Variants in CCDC92 observed in about 807,000 individuals in gnomAD.
The protein encoded by CCDC92 is coiled-coil domain-containing protein 92.
CCDC92 carries 12 observed loss-of-function variants against 24.9 expected under a neutral mutation model. The observed-to-expected ratio is 0.48, with a 90% confidence interval of 0.31 to 0.78. The LOEUF is 0.78. Among genes scored for constraint, CCDC92 ranks in the 30% least tolerant of loss-of-function variants. The pLI is 0.05. For missense variants in CCDC92, 399 were observed against 439.4 expected, an observed-to-expected ratio of 0.91 and a Z score of 0.82; for synonymous variants, 193 against 196.3, an observed-to-expected ratio of 0.98 and a Z score of 0.14.
chr12:123,966,919 A>T (rs1956405555), intron 1 of CCDC92, among the ~76,000 whole-genome samples: 1 of 152,170 alleles, frequency 6.6e-6, no homozygotes, highest in South Asian at 2.1e-4. Flanking sequence ...CTGTCAACCT[A>T]TCTCCAAGGT....
At position 123,940,728 on chromosome 12, in the gene CCDC92, G is replaced by A. The variant is rs372630319; in HGVS notation, c.223+2016C>T. The stretch of plus-strand genomic sequence containing the variant: ...AAACGCTGCACTGCTGAGCCTGCCC[G>A]AGCGTCAGGGCACTGCAACGCTTCT... On this transcript the variant is annotated intron_variant, in intron 4 of 4. Coordinates refer to ENST00000238156, the MANE Select transcript of CCDC92 (RefSeq NM_025140.3). Among the ~76,000 whole-genome samples the A allele has an allele frequency of 2.1e-4, 32 of 152,306 alleles. 1 individual carries two copies. The South Asian group carries it at 4.8e-3, about 23-fold the overall frequency.
intron 4 of CCDC92, among the ~76,000 whole-genome samples, chr12:123,941,952 TG>T (rs1472240207): frequency 6.6e-6 from 1 of 152,238 alleles, no homozygotes; most frequent in Non-Finnish European, 1.5e-5. Context: ...TGTGCTCTCG[TG>T]GTAAGACTGC....
At chr12:123,950,425 C>T (rs573752606) in intron 1 of CCDC92, among the ~76,000 whole-genome samples, 1 of 152,210 alleles carries the variant, frequency 6.6e-6, no homozygotes, top group Admixed American at 6.5e-5. Flanking sequence ...GCACTGCCGA[C>T]CACCCAATAC....
intron 1 of CCDC92, chr12:123,970,421 A>G (rs1278927383): frequency 6.6e-6 from 1 of 152,256 alleles, no homozygotes; most frequent in Non-Finnish European, 1.5e-5. Context: ...TCTGTACTCA[A>G]TAATTACTCA....
intron 4 of CCDC92, among the ~76,000 whole-genome samples, chr12:123,941,513 A>G (rs1029437696): frequency 6.6e-6 from 1 of 152,204 alleles, no homozygotes; most frequent in Non-Finnish European, 1.5e-5. Context: ...GGAACTGGAC[A>G]CTCTCATGAA....
In CCDC92 at chr12:123,937,115, G is replaced by A; in HGVS notation, c.939C>T (p.Asp313=). ...AQPEVKTLAV[D]QVNGGKVVRK... is the part of the protein sequence containing the mutation. The stretch of plus-strand genomic sequence containing the variant: ...TCACCACCTTGCCTCCGTTCACCTG[G>A]TCGACCGCCAGGGTCTTCACCTCGG... The change falls in exon 5 of 5, where the codon GAC becomes GAT. Residue 313 remains aspartate, a synonymous_variant. Transcript: ENST00000238156. The surrounding 1 kb of genome is among the most constrained non-coding windows in gnomAD (Gnocchi z 8.4). The A allele has an allele frequency of 1.9e-6, 3 of 1,613,690 alleles. No homozygotes were observed. Among genetic ancestry groups the A allele is most frequent in the Non-Finnish European group, 1.7e-6 (2 of 1,180,024 alleles).
At chr12:123,961,718 A>C (rs998688430) in intron 1 of CCDC92, among the ~76,000 whole-genome samples, 2 of 152,240 alleles carry the variant, frequency 1.3e-5, no homozygotes, top group Non-Finnish European at 2.9e-5. Context: ...AGAGGAGAAG[A>C]ATCAACATGG....
intron 1 of CCDC92, among the ~76,000 whole-genome samples, chr12:123,958,219 A>C (rs1362005119): frequency 2.0e-5 from 3 of 151,736 alleles, no homozygotes; most frequent in Non-Finnish European, 2.9e-5. Flanking sequence ...ATGCCCGGCT[A>C]ATTTTGTATT....
At chr12:123,938,172 G>C (rs1334374938) in intron 4 of CCDC92, among the ~76,000 whole-genome samples, 1 of 152,238 alleles carries the variant, frequency 6.6e-6, no homozygotes, top group African/African-American at 2.4e-5. Context: ...TGTCTGCTCA[G>C]ATGGCATTTA....
chr12:123,972,399 G>A (rs928345430), intron 1 of CCDC92, 130 bp downstream of exon 1: 1 of 152,132 alleles, frequency 6.6e-6, no homozygotes, highest in Non-Finnish European at 1.5e-5. Context: ...CCGGCGGGGA[G>A]GGTTTTTAAA....
intron 1 of CCDC92, among the ~76,000 whole-genome samples, chr12:123,955,743 T>TG (rs1956135352): frequency 6.6e-6 from 1 of 152,220 alleles, no homozygotes; most frequent in Non-Finnish European, 1.5e-5. Flanking sequence ...TTCAGCCTCC[T>TG]ATGTAGCTGG....
At position 123,936,734 on chromosome 12, in the gene CCDC92, G is replaced by T. The variant is rs1308726211; in HGVS notation, c.*324C>A. On this transcript the variant is annotated 3_prime_UTR_variant, in exon 5 of 5. Transcript: ENST00000238156. ...CGACTTGAGAATGAATTAGGTGTGT[G>T]ACTGTGTGGCATCGTGAACATCAGT... 4 of 465,924 alleles carry T rather than the reference G, an allele frequency of 8.6e-6. No homozygotes were observed. The highest frequency in any genetic ancestry group is 1.5e-5 in the Non-Finnish European group (4 of 260,250). 28.9% of individuals were successfully genotyped at this position (465,924 alleles called of 1,614,324 possible). A position where few individuals can be genotyped will look rare whatever the true frequency, so the allele number is the denominator to read the frequency against.
intron 4 of CCDC92, 142 bp downstream of exon 4, chr12:123,942,602 C>T (rs1436250008): frequency 4.2e-6 from 3 of 712,698 alleles, no homozygotes; most frequent in Non-Finnish European, 5.1e-6. Flanking sequence ...TCCTTCTCAT[C>T]TTCTCTTAGA....
In CCDC92 at chr12:123,942,805, C is replaced by G. The variant is rs745392990; in HGVS notation, c.182-20G>C. On this transcript the variant is annotated intron_variant, in intron 3 of 4. Transcript: ENST00000238156. ...TTAAATCTAAAAGGGAAATGTTACA[C>G]ATTAATTCTTTTACTGTACATTTCA... The G allele has an allele frequency of 8.8e-6, 14 of 1,587,470 alleles. No individual in the cohort carries two copies. Among genetic ancestry groups the G allele is most frequent in the Admixed American group, 5.0e-5 (3 of 59,978 alleles).
intron 1 of CCDC92, among the ~76,000 whole-genome samples, chr12:123,972,263 G>T (rs931160024): frequency 2.6e-5 from 4 of 151,736 alleles, no homozygotes; most frequent in Non-Finnish European, 4.4e-5. Context: ...CGAGCCTCAG[G>T]GACCCTCTTT....
At chr12:123,961,400 G>A (rs1956268908) in intron 1 of CCDC92, among the ~76,000 whole-genome samples, 1 of 152,206 alleles carries the variant, frequency 6.6e-6, no homozygotes, top group Non-Finnish European at 1.5e-5. Context: ...TGGGACAGGA[G>A]GAAGCATTTC....
At chr12:123,955,662 G>C (rs183058550) in intron 1 of CCDC92, among the ~76,000 whole-genome samples, 17 of 151,470 alleles carry the variant, frequency 1.1e-4, no homozygotes, top group South Asian at 2.1e-4. Flanking sequence ...TTTTTTTGGT[G>C]GGGGGGAGAC....
At chr12:123,966,877 G>C (rs1183497553) in intron 1 of CCDC92, among the ~76,000 whole-genome samples, 1 of 152,060 alleles carries the variant, frequency 6.6e-6, no homozygotes, top group Non-Finnish European at 1.5e-5. Context: ...CCTGCAAAAA[G>C]GGATGAGACA....
In CCDC92 at chr12:123,972,794, G is replaced by T; in HGVS notation, c.-325C>A. On this transcript the variant is annotated 5_prime_UTR_variant, in exon 1 of 5. Coordinates refer to ENST00000238156, the MANE Select transcript of CCDC92 (RefSeq NM_025140.3). ...CGGCGAGGCCTGGCCGCGCTGACCC[G>T]GCGGGCTAGGCGCCGGCGCGGCGGC... 1 of 146,532 alleles carries T rather than the reference G, an allele frequency of 6.8e-6. No individual in the cohort carries two copies. Among genetic ancestry groups the T allele is most frequent in the South Asian group, 2.1e-4 (1 of 4,810 alleles). 9.1% of individuals were successfully genotyped at this position (146,532 alleles called of 1,614,324 possible).
Sources: gnomAD v4.1 joint callset for allele counts (sites outside exome capture counted in the v4.1 genomes callset) on GRCh38, gnomAD v4.1.1 for gene constraint, Gnocchi (gnomAD v3.1) non-coding constraint, MANE v1.5 for transcripts, NCBI Gene and HGNC (gene_info 2026-07-23, HGNC 2026-07-21) for gene names.